WWC1: variants seen among roughly 807,000 people sequenced by gnomAD.
WWC1 encodes protein KIBRA.
A neutral mutation model predicts 138.4 loss-of-function variants in WWC1; 55 were observed. The observed-to-expected ratio is 0.40, with a 90% CI of 0.32 to 0.50. WWC1 has a LOEUF of 0.50. Ranked by LOEUF, WWC1 falls within the 20% of genes least tolerant of loss-of-function variation. The pLI is 0.72. For synonymous variants in WWC1, 524 were observed against 564.9 expected (o/e 0.93, Z 1.03); for missense variants, 1,226 against 1,420.4 (o/e 0.86, Z 2.20).
chr5:168,464,708 A>G lies in WWC1; in HGVS notation c.2917-21A>G, dbSNP rs367635097. ...CTGGGCAGAGCTCTAATAACAAGAG[A>G]AGCCGTCCCCACCCCCACAGCCTTC... On this transcript the variant is annotated intron_variant, in intron 20 of 22. Transcript: ENST00000265293. The G allele has an allele frequency of 4.3e-6, 7 of 1,613,734 alleles. No homozygotes were observed. The African/African-American group carries it at 6.7e-5, about 15-fold the overall frequency.
intron 1 of WWC1, among the ~76,000 whole-genome samples, chr5:168,370,620 T>C (rs148918921): frequency 8.3e-4 from 127 of 152,364 alleles, no homozygotes; most frequent in African/African-American, 2.9e-3. Flanking sequence ...GAATCTCATA[T>C]ACCCAGATTC....
At chr5:168,321,196 A>G (rs923182995) in intron 1 of WWC1, among the ~76,000 whole-genome samples, 2 of 152,186 alleles carry the variant, frequency 1.3e-5, no homozygotes, top group Non-Finnish European at 2.9e-5. Context: ...GATTAATTCC[A>G]TGAGCATCAG....
At chr5:168,343,807 A>T in intron 1 of WWC1, among the ~76,000 whole-genome samples, 1 of 111,010 alleles carries the variant, frequency 9.0e-6, no homozygotes, top group South Asian at 3.5e-4. Context: ...ACACAGTGAG[A>T]CTATGTCTCA....
rs1300835598 is a variant in WWC1, at chr5:168,339,914, TC to T, written c.120-31509del. On this transcript the variant is annotated intron_variant, in intron 1 of 22. Transcript: ENST00000265293. ...CTCTCTGTCTCTCTCTCTTTCTCTCTCTCTCTCTCTTTCTCTCTTTCTCTCT... is the reference window on the plus strand; with the variant it reads ...CTCTCTGTCTCTCTCTCTTTCTCTCTTCTCTCTCTTTCTCTCTTTCTCTCT... Among the ~76,000 whole-genome samples, 8 of 142,110 alleles carry T rather than the reference TC, an allele frequency of 5.6e-5. No individual in the cohort carries two copies. The South Asian group carries it at 1.1e-3, about 20-fold the overall frequency. 93.2% of individuals were successfully genotyped at this position (142,110 alleles called of 152,430 possible).
At chr5:168,362,385 T>A (rs111835729) in intron 1 of WWC1, among the ~76,000 whole-genome samples, 2 of 152,182 alleles carry the variant, frequency 1.3e-5, no homozygotes, top group Admixed American at 1.3e-4. Context: ...TTGTCCAAGG[T>A]CACACAGCTA....
chr5:168,362,875 G>C (rs1053134605), intron 1 of WWC1, among the ~76,000 whole-genome samples: 1 of 152,180 alleles, frequency 6.6e-6, no homozygotes, highest in African/African-American at 2.4e-5. Flanking sequence ...GTTTGTGGGG[G>C]CCTAGTCTGA....
intron 2 of WWC1, among the ~76,000 whole-genome samples, chr5:168,374,338 G>A (rs536738475): frequency 1.3e-5 from 2 of 152,258 alleles, no homozygotes; most frequent in African/African-American, 4.8e-5. Context: ...TGGGGGTGGC[G>A]AAGAAAGGGC....
At chr5:168,354,348 G>A (rs1027635543) in intron 1 of WWC1, among the ~76,000 whole-genome samples, 7 of 152,084 alleles carry the variant, frequency 4.6e-5, no homozygotes, top group Non-Finnish European at 1.0e-4. Flanking sequence ...ACCGCACCCG[G>A]CCTGAGTGCT....
chr5:168,458,341 C>G (rs1215183497), intron 19 of WWC1, among the ~76,000 whole-genome samples: 1 of 152,210 alleles, frequency 6.6e-6, no homozygotes, highest in East Asian at 1.9e-4. Flanking sequence ...TGCAGCCTCT[C>G]TGTTGCTCAG....
At chr5:168,436,270 C>T (rs575552112) in intron 15 of WWC1, among the ~76,000 whole-genome samples, 2 of 152,244 alleles carry the variant, frequency 1.3e-5, no homozygotes, top group South Asian at 4.1e-4. Context: ...GTTGCTGACT[C>T]CACCTCCTTC....
At chr5:168,414,649 C>A in intron 9 of WWC1, 59 bp downstream of exon 9, 1 of 1,485,032 alleles carries the variant, frequency 6.7e-7, no homozygotes, top group African/African-American at 1.4e-5. Flanking sequence ...CTGTCCTCAG[C>A]CCCCAGATGG....
chr5:168,424,342 C>T (rs977003028), intron 11 of WWC1, among the ~76,000 whole-genome samples: 1 of 152,196 alleles, frequency 6.6e-6, no homozygotes, highest in Non-Finnish European at 1.5e-5. Context: ...AATGGATATA[C>T]ATGGATTCAT....
intron 1 of WWC1, among the ~76,000 whole-genome samples, chr5:168,348,524 G>A (rs1274278861): frequency 1.3e-5 from 2 of 152,162 alleles, no homozygotes; most frequent in African/African-American, 4.8e-5. Context: ...GCTTGGCTGT[G>A]AGCACAGGCC....
chr5:168,323,780 C>T (rs1772316940), intron 1 of WWC1, among the ~76,000 whole-genome samples: 1 of 152,076 alleles, frequency 6.6e-6, no homozygotes, highest in South Asian at 2.1e-4. Flanking sequence ...ATCCAAGAAG[C>T]CCAATAAATC....
chr5:168,345,300 T>C (rs1011264493), intron 1 of WWC1, among the ~76,000 whole-genome samples: 1 of 152,214 alleles, frequency 6.6e-6, no homozygotes, highest in African/African-American at 2.4e-5. Context: ...AGACAGGGTT[T>C]TGCCATATTG....
chr5:168,439,472 A>T lies in WWC1; in HGVS notation c.2281-2210A>T, dbSNP rs1004578666. Among the ~76,000 whole-genome samples, 20 of 20,886 alleles carry T rather than the reference A, an allele frequency of 9.6e-4. No individual in the cohort carries two copies. In the African/African-American group the frequency reaches 0.02, roughly 21 times the overall value. The allele number at this position is 20,886 out of a possible 152,430, so 13.7% of individuals were successfully genotyped here. On this transcript the variant is annotated intron_variant, in intron 15 of 22. Coordinates refer to ENST00000265293, the MANE Select transcript of WWC1 (RefSeq NM_015238.3). ...AAACCCCGTCTCTACTAAAAATACA[A>T]AAAAAAAAAAAAAGGCCAGGCGTGG...
intron 1 of WWC1, among the ~76,000 whole-genome samples, chr5:168,331,718 A>T (rs1396269917): frequency 2.6e-5 from 4 of 152,236 alleles, no homozygotes; most frequent in Non-Finnish European, 4.4e-5. Flanking sequence ...AAAACCGTGG[A>T]AAAACCATTT....
intron 1 of WWC1, among the ~76,000 whole-genome samples, chr5:168,359,346 G>A (rs529811009): frequency 1.4e-4 from 22 of 152,288 alleles, no homozygotes; most frequent in South Asian, 4.2e-4. Context: ...GAGCCACCAC[G>A]TCTGGCCTAT....
chr5:168,414,032 C>A, intron 8 of WWC1: 2 of 307,304 alleles, frequency 6.5e-6, no homozygotes, highest in Non-Finnish European at 1.2e-5. Context: ...AGCAACTTGC[C>A]CAAGGCCACA....
Sources: allele counts gnomAD v4.1 joint callset (sites outside exome capture counted in the v4.1 genomes callset), GRCh38; gene constraint gnomAD v4.1.1; transcripts MANE v1.5; gene names NCBI Gene and HGNC (gene_info 2026-07-23, HGNC 2026-07-21).